Variants in NUDT6 observed in about 807,000 individuals in gnomAD.
The protein encoded by NUDT6 is FAD diphosphatase NUDT6.
NUDT6 carries 24 observed loss-of-function variants against 36.8 expected under a neutral mutation model. The ratio of observed to expected loss-of-function variants is 0.65; its 90% CI spans 0.47 to 0.92. The LOEUF (loss-of-function observed/expected upper bound fraction) is 0.92, where lower values mean the gene tolerates loss of function less well. Among genes scored for constraint, NUDT6 ranks in the 40% least tolerant of loss-of-function variants. The pLI, the probability that NUDT6 is intolerant of heterozygous loss-of-function variation, is 0.00. For synonymous variants in NUDT6, 163 were observed against 157.0 expected, an observed-to-expected ratio of 1.04 and a Z score of -0.29; for missense variants, 388 against 392.8, an observed-to-expected ratio of 0.99 and a Z score of 0.10.
chr4:122,915,482 A>AT (rs1560773887), intron 2 of NUDT6, among the ~76,000 whole-genome samples: 1 of 103,938 alleles, frequency 9.6e-6, no homozygotes, highest in East Asian at 4.1e-4. Context: ...AAAAAAAAAA[A>AT]AAAAAAAAAA....
intron 1 of NUDT6, chr4:122,920,673 G>A (rs1727956275): frequency 6.6e-6 from 1 of 152,192 alleles, no homozygotes; most frequent in Admixed American, 6.5e-5. Flanking sequence ...CATGCTGACT[G>A]GGGTAGTGCT....
intron 2 of NUDT6, 128 bp downstream of exon 2, chr4:122,917,373 G>T: frequency 1.2e-6 from 1 of 831,656 alleles, no homozygotes; most frequent in Non-Finnish European, 2.0e-6. Context: ...AGATAGGGTG[G>T]AACCACCGTA....
At chr4:122,917,910 T>C in intron 1 of NUDT6, 1 of 563,526 alleles carries the variant, frequency 1.8e-6, no homozygotes, top group Non-Finnish European at 3.2e-6. Context: ...ACTGAATTCC[T>C]TCAGAATAAA....
At chr4:122,912,453 G>T in intron 3 of NUDT6, 115 bp downstream of exon 3, 1 of 747,352 alleles carries the variant, frequency 1.3e-6, no homozygotes, top group Non-Finnish European at 2.3e-6. Flanking sequence ...GCTTAGAAAT[G>T]ATTTTTAAAA....
At chr4:122,908,792 A>T (rs948888747) in intron 3 of NUDT6, among the ~76,000 whole-genome samples, 12 of 152,356 alleles carry the variant, frequency 7.9e-5, no homozygotes, top group African/African-American at 2.6e-4. Flanking sequence ...AATCTTACTC[A>T]AAATCCAAAC....
At chr4:122,900,144 T>A (rs920148187) in intron 3 of NUDT6, among the ~76,000 whole-genome samples, 1 of 146,544 alleles carries the variant, frequency 6.8e-6, no homozygotes, top group Non-Finnish European at 1.5e-5. Flanking sequence ...GTTCTTTACA[T>A]CCCCATGTTA....
chr4:122,910,555 C>A (rs13109611), intron 3 of NUDT6, among the ~76,000 whole-genome samples: 2 of 151,842 alleles, frequency 1.3e-5, no homozygotes, highest in African/African-American at 4.8e-5. Flanking sequence ...TGTTAAAGTC[C>A]ATAATGAAAT....
intron 3 of NUDT6, among the ~76,000 whole-genome samples, chr4:122,908,730 A>T (rs67035765): frequency 0.16 from 24,642 of 152,132 alleles, 2,412 homozygotes; most frequent in African/African-American, 0.27. Flanking sequence ...CATTAACAGA[A>T]TTAATAAAAT....
intron 2 of NUDT6, among the ~76,000 whole-genome samples, chr4:122,912,926 T>C (rs1424503343): frequency 6.6e-6 from 1 of 152,252 alleles, no homozygotes; most frequent in African/African-American, 2.4e-5. Context: ...TTATACAATA[T>C]TTTAAATAAT....
intron 4 of NUDT6, chr4:122,895,637 C>G (rs1335234779): frequency 6.6e-6 from 1 of 152,080 alleles, no homozygotes; most frequent in Non-Finnish European, 1.5e-5. Context: ...CTTGTGGATA[C>G]CTTTATACTC....
At chr4:122,900,057 A>ACCCCCCCCCCC (rs57059464) in intron 3 of NUDT6, among the ~76,000 whole-genome samples, 1 of 88,680 alleles carries the variant, frequency 1.1e-5, no homozygotes, top group Admixed American at 1.2e-4. Flanking sequence ...CACCCCCGCC[A>ACCCCCCCCCCC]CCCCCCCCCC....
chr4:122,893,010 T>A lies in NUDT6; in HGVS notation c.769A>T (p.Thr257Ser). ...CTGGTGATGGGAGTTGTATTTTCAG[T>A]CTTCGCCAGGTCATTGAGATCCATC... ...EWMDLNDLAK[T>S]ENTTPITSRV... Residue 257 changes from threonine to serine, a missense_variant, in exon 5 of 5, where the codon ACT becomes TCT. Physicochemically the swap from Thr to Ser is moderately conservative, Grantham distance 58. Transcript: ENST00000304430. The A allele has an allele frequency of 6.2e-7, 1 of 1,614,166 alleles. No individual in the cohort carries two copies. Among genetic ancestry groups the A allele is most frequent in the African/African-American group, 1.3e-5 (1 of 75,054 alleles).
At chr4:122,909,623 C>T (rs1189568520) in intron 3 of NUDT6, among the ~76,000 whole-genome samples, 2 of 152,196 alleles carry the variant, frequency 1.3e-5, no homozygotes, top group African/African-American at 4.8e-5. Context: ...GCCTTCTGTG[C>T]ACTACAGGCT....
At chr4:122,912,351 G>A (rs987125077) in intron 3 of NUDT6, among the ~76,000 whole-genome samples, 1 of 152,120 alleles carries the variant, frequency 6.6e-6, no homozygotes, top group African/African-American at 2.4e-5. Context: ...TAGCCATAAA[G>A]TAATAGATAG....
chr4:122,908,823 A>C (rs1353326274), intron 3 of NUDT6, among the ~76,000 whole-genome samples: 1 of 152,228 alleles, frequency 6.6e-6, no homozygotes, highest in African/African-American at 2.4e-5. Flanking sequence ...AAAGGAAAAC[A>C]ATTAAAGTTT....
At chr4:122,912,682 C>T (rs984824443) in intron 2 of NUDT6, 59 bp from the exon 3 acceptor site, 2 of 1,040,750 alleles carry the variant, frequency 1.9e-6, no homozygotes, top group Non-Finnish European at 3.0e-6. Context: ...CCTTAATCTC[C>T]TCCCACACTC....
In NUDT6 at chr4:122,922,370, C is replaced by T. The variant is rs773898471; in HGVS notation, c.203G>A (p.Arg68His). 1.9e-6 allele frequency: 3 copies of T among 1,605,398 alleles called. No homozygotes were observed. Among genetic ancestry groups the T allele is most frequent in the East Asian group, 4.5e-5 (2 of 44,818 alleles). ...CTTCTGGAAGGCGGCAGCGTCCAGGCGGTCCAGCGCATCGAGCCGCGCCAG... is the reference window on the plus strand; with the variant it reads ...CTTCTGGAAGGCGGCAGCGTCCAGGTGGTCCAGCGCATCGAGCCGCGCCAG... Reference protein sequence around the residue: ...VRLARLDALDRLDAAAFQKGL... With the variant: ...VRLARLDALDHLDAAAFQKGL... The change falls in exon 1 of 5, where the codon CGC becomes CAC. Residue 68 changes from arginine (R) to histidine (H), a missense_variant. Coordinates refer to ENST00000304430, the MANE Select transcript of NUDT6 (RefSeq NM_007083.5).
intron 4 of NUDT6, 124 bp from the exon 5 acceptor site, chr4:122,893,349 T>G: frequency 5.6e-6 from 5 of 886,110 alleles, no homozygotes; most frequent in Non-Finnish European, 8.1e-6. Context: ...AAAGTAAAGT[T>G]TTCAATACAA....
intron 2 of NUDT6, among the ~76,000 whole-genome samples, chr4:122,915,493 A>AAC (rs1727818619): frequency 6.8e-6 from 1 of 147,822 alleles, no homozygotes; most frequent in African/African-American, 2.5e-5. Context: ...AAAAAAAAAA[A>AAC]AAAAACAACT....
Sources: gnomAD v4.1 joint callset for allele counts (sites outside exome capture counted in the v4.1 genomes callset) on GRCh38, gnomAD v4.1.1 for gene constraint, MANE v1.5 for transcripts, NCBI Gene and HGNC (gene_info 2026-07-23, HGNC 2026-07-21) for gene names.